CCDC88C: variants seen among roughly 807,000 people sequenced by gnomAD.
CCDC88C encodes the protein coiled-coil and HOOK domain protein 88C, also known as protein Daple.
A neutral mutation model predicts 198.8 loss-of-function variants in CCDC88C; 131 were observed. The observed-to-expected ratio is 0.66, with a 90% CI of 0.57 to 0.76. CCDC88C has a LOEUF of 0.76. Ranked by LOEUF, CCDC88C falls within the 30% of genes least tolerant of loss-of-function variation. CCDC88C has a pLI of 0.00. For synonymous variants in CCDC88C, 1,166 were observed against 1,114.7 expected, an observed-to-expected ratio of 1.05 and a Z score of -0.92; for missense variants, 2,553 against 2,631.6, an observed-to-expected ratio of 0.97 and a Z score of 0.65.
At position 91,360,068 on chromosome 14, in the gene CCDC88C, T is replaced by C. The variant is rs558721919; in HGVS notation, c.271-357A>G. On this transcript the variant is annotated intron_variant, in intron 3 of 29. Transcript: ENST00000389857. ...AATAGATGACATGCTAGGACAGCAG[T>C]ATGATGTTTCTTTTTTAAAAGATAC... 3.2e-3 allele frequency among the ~76,000 whole-genome samples: 485 copies of C among 152,296 alleles called. 2 individuals are homozygous for C. The highest frequency in any genetic ancestry group is 0.012 in the South Asian group (60 of 4,824).
rs1380605939 is a variant in CCDC88C at position 91,297,242 on chromosome 14, C to T, written c.3966+63G>A. 5 of 1,536,332 alleles carry T rather than the reference C, an allele frequency of 3.3e-6. No homozygotes were observed. The African/African-American group carries it at 4.1e-5, about 13-fold the overall frequency. ...AGGACCCCTCACAGCTTGGCTGAGC[C>T]CTGGGCTGTCCCCTTGGGGGACTCA... On this transcript the variant is annotated intron_variant, in intron 22 of 29. Transcript: ENST00000389857.
intron 3 of CCDC88C, among the ~76,000 whole-genome samples, chr14:91,380,471 G>A (rs1221371796): frequency 6.6e-6 from 1 of 152,140 alleles, no homozygotes; most frequent in Non-Finnish European, 1.5e-5. Context: ...ATTGTGAAAA[G>A]TCTCAAATGC....
At chr14:91,404,460 T>C (rs562483778) in intron 3 of CCDC88C, among the ~76,000 whole-genome samples, 132 of 152,252 alleles carry the variant, frequency 8.7e-4, no homozygotes, top group Non-Finnish European at 1.3e-3. Flanking sequence ...GTTCCAGTGG[T>C]TCCCATGGGC....
intron 3 of CCDC88C, among the ~76,000 whole-genome samples, chr14:91,382,188 GC>G (rs1362214689): frequency 6.6e-6 from 1 of 152,110 alleles, no homozygotes; most frequent in Non-Finnish European, 1.5e-5. Context: ...TCCACCTCCT[GC>G]CCCCACAGCA....
At chr14:91,372,847 T>C (rs1894883656) in intron 3 of CCDC88C, among the ~76,000 whole-genome samples, 1 of 152,152 alleles carries the variant, frequency 6.6e-6, no homozygotes, top group South Asian at 2.1e-4. Flanking sequence ...AGGCATCACT[T>C]AACCTAGCGA....
intron 16 of CCDC88C, 132 bp downstream of exon 16, chr14:91,309,727 C>T: frequency 4.5e-6 from 4 of 886,732 alleles, no homozygotes; most frequent in Non-Finnish European, 6.2e-6. Context: ...ACTTTGGGTT[C>T]AAGGAACCGC....
intron 25 of CCDC88C, 96 bp downstream of exon 25, chr14:91,289,008 CT>C: frequency 2.0e-6 from 2 of 981,406 alleles, no homozygotes; most frequent in South Asian, 1.4e-5. Context: ...TCACCCACCC[CT>C]GGCACGTTCC....
intron 3 of CCDC88C, among the ~76,000 whole-genome samples, chr14:91,407,075 C>G (rs964422430): frequency 1.3e-5 from 2 of 151,372 alleles, no homozygotes; most frequent in African/African-American, 4.8e-5. Context: ...CACAGGCAAA[C>G]TACGCCAGCC....
chr14:91,415,562 A>G (rs1887000176), intron 2 of CCDC88C, among the ~76,000 whole-genome samples: 1 of 152,046 alleles, frequency 6.6e-6, no homozygotes. Flanking sequence ...TTCTACTAAA[A>G]ATACAAAATT....
At chr14:91,281,351 A>C (rs886310918) in intron 27 of CCDC88C, 106 bp downstream of exon 27, 1 of 1,576,342 alleles carries the variant, frequency 6.3e-7, no homozygotes, top group Non-Finnish European at 8.6e-7. Context: ...TTCCACCTTC[A>C]TTTGGTGTTG....
At chr14:91,326,151 C>T in intron 10 of CCDC88C, 95 bp from the exon 11 acceptor site, 1 of 1,131,836 alleles carries the variant, frequency 8.8e-7, no homozygotes. Context: ...GGCATCTGGA[C>T]CCAAGCAAAC....
intron 3 of CCDC88C, among the ~76,000 whole-genome samples, chr14:91,378,193 G>A (rs570098184): frequency 6.6e-6 from 1 of 152,338 alleles, no homozygotes; most frequent in South Asian, 2.1e-4. Context: ...TTGAGGAAGT[G>A]CAAAGCCGCA....
intron 22 of CCDC88C, among the ~76,000 whole-genome samples, chr14:91,296,933 A>G (rs1596037525): frequency 6.6e-6 from 1 of 152,286 alleles, no homozygotes; most frequent in East Asian, 1.9e-4. Context: ...AGGCAGCCAC[A>G]CCCCAAAATG....
intron 23 of CCDC88C, among the ~76,000 whole-genome samples, chr14:91,291,734 A>T (rs1404403143): frequency 3.3e-5 from 5 of 152,168 alleles, no homozygotes; most frequent in Non-Finnish European, 2.9e-5. Flanking sequence ...CCGAGATACC[A>T]GATGCCCAGA....
intron 10 of CCDC88C, among the ~76,000 whole-genome samples, chr14:91,328,565 G>T (rs1251596733): frequency 6.6e-6 from 1 of 152,190 alleles, no homozygotes; most frequent in Non-Finnish European, 1.5e-5. Context: ...GCCCAGGACT[G>T]AGGGCTAGTT....
intron 3 of CCDC88C, among the ~76,000 whole-genome samples, chr14:91,385,548 T>G (rs1347300382): frequency 2.0e-5 from 3 of 152,232 alleles, no homozygotes; most frequent in African/African-American, 7.2e-5. Context: ...AACCTGTGTT[T>G]GGAGAAGGGC....
intron 22 of CCDC88C, 125 bp from the exon 23 acceptor site, chr14:91,294,443 T>C (rs988787166): frequency 4.5e-6 from 5 of 1,120,248 alleles, no homozygotes; most frequent in African/African-American, 3.1e-5. Flanking sequence ...TCTACGCCAG[T>C]GGAAACTTGG....
chr14:91,384,065 A>T (rs1420437152), intron 3 of CCDC88C, among the ~76,000 whole-genome samples: 1 of 152,168 alleles, frequency 6.6e-6, no homozygotes, highest in African/African-American at 2.4e-5. Flanking sequence ...CTGGGTACCA[A>T]GAGGACTGGT....
At chr14:91,414,421 T>C (rs1263143476) in intron 2 of CCDC88C, among the ~76,000 whole-genome samples, 1 of 152,206 alleles carries the variant, frequency 6.6e-6, no homozygotes, top group African/African-American at 2.4e-5. Flanking sequence ...CCAGGGTTCA[T>C]TGTTTAGTTG....
Sources: allele counts gnomAD v4.1 joint callset (sites outside exome capture counted in the v4.1 genomes callset), GRCh38; gene constraint gnomAD v4.1.1; transcripts MANE v1.5; gene names NCBI Gene and HGNC (gene_info 2026-07-23, HGNC 2026-07-21).